The following STRN3 variants were observed in gnomAD, a reference collection of about 807,000 sequenced individuals.
The protein encoded by STRN3 is striatin-3.
A neutral mutation model predicts 95.6 loss-of-function variants in STRN3; 29 were observed. The observed-to-expected ratio is 0.30, with a 90% CI of 0.23 to 0.41. STRN3 has a LOEUF of 0.41. Ranked by LOEUF, STRN3 falls within the 10% of genes least tolerant of loss-of-function variation. The pLI, the probability that STRN3 is intolerant of heterozygous loss-of-function variation, is 1.00. For synonymous variants in STRN3, 331 were observed against 357.6 expected (o/e 0.93, Z 0.84); for missense variants, 890 against 972.1 (o/e 0.92, Z 1.12).
intron 16 of STRN3, among the ~76,000 whole-genome samples, chr14:30,897,104 A>G (rs539966482): frequency 2.6e-5 from 4 of 152,318 alleles, no homozygotes; most frequent in African/African-American, 7.2e-5. Flanking sequence ...CTAATGAAAG[A>G]TAGAGGCTTT....
intron 1 of STRN3, among the ~76,000 whole-genome samples, chr14:31,009,057 T>A (rs1882845828): frequency 6.6e-6 from 1 of 151,826 alleles, no homozygotes; most frequent in East Asian, 1.9e-4. Context: ...GAAAAAAAAT[T>A]AAGAAAAACA....
At chr14:30,956,453 G>T (rs371327479) in intron 1 of STRN3, among the ~76,000 whole-genome samples, 1 of 152,152 alleles carries the variant, frequency 6.6e-6, no homozygotes, top group Non-Finnish European at 1.5e-5. Context: ...AGGAGTTTTA[G>T]ACCAGCCTAT....
chr14:30,925,274 A>T (rs1469730517), intron 8 of STRN3, among the ~76,000 whole-genome samples: 1 of 152,052 alleles, frequency 6.6e-6, no homozygotes, highest in Non-Finnish European at 1.5e-5. Context: ...GATGGAGTGA[A>T]CGAGTTGGGA....
At chr14:30,970,787 T>A (rs1326527090) in intron 1 of STRN3, among the ~76,000 whole-genome samples, 3 of 152,360 alleles carry the variant, frequency 2.0e-5, no homozygotes, top group Admixed American at 2.0e-4. Flanking sequence ...AAGATGTAAA[T>A]GCCTGGTTGG....
intron 9 of STRN3, among the ~76,000 whole-genome samples, chr14:30,916,190 C>T (rs924117814): frequency 2.6e-5 from 4 of 151,834 alleles, no homozygotes; most frequent in African/African-American, 9.7e-5. Flanking sequence ...CTATCCTATT[C>T]ATTTTATTAA....
intron 8 of STRN3, among the ~76,000 whole-genome samples, chr14:30,925,295 CTTTAACTTAGCACT>C (rs1352487023): frequency 3.3e-5 from 5 of 151,922 alleles, no homozygotes; most frequent in Non-Finnish European, 2.9e-5. Context: ...GACACAGAAA[CTTTAACTTAGCACT>C]TTTAACTTAG....
intron 1 of STRN3, among the ~76,000 whole-genome samples, chr14:30,974,732 G>A (rs181557158): frequency 2.4e-4 from 36 of 152,218 alleles, no homozygotes; most frequent in Admixed American, 6.5e-4. Context: ...TGAGCCTGGG[G>A]GGAGTAGAGG....
intron 1 of STRN3, among the ~76,000 whole-genome samples, chr14:30,969,862 C>T (rs1880735412): frequency 6.6e-6 from 1 of 152,108 alleles, no homozygotes; most frequent in Non-Finnish European, 1.5e-5. Flanking sequence ...ATCACCTTCT[C>T]ATCAAAGAGT....
intron 4 of STRN3, among the ~76,000 whole-genome samples, chr14:30,948,574 T>C (rs114437497): frequency 0.017 from 2,592 of 152,318 alleles, 60 homozygotes; most frequent in African/African-American, 0.059. Context: ...GAATAGTTAA[T>C]GTCAAATTTT....
chr14:31,010,446 G>A (rs530606780), intron 1 of STRN3, among the ~76,000 whole-genome samples: 1 of 133,594 alleles, frequency 7.5e-6, no homozygotes, highest in African/African-American at 2.9e-5. Context: ...ATTCACTCCT[G>A]AAACTTATCA....
Position 30,895,061 on chromosome 14 carries a change from AAAAAAAAAAAAAAAAAAAG to A in STRN3, c.*331_*349del, listed in dbSNP as rs1196665927. On this transcript the variant is annotated 3_prime_UTR_variant, in exon 18 of 18. Transcript: ENST00000357479. Reference sequence around the variant, plus strand: ...AGGCAGCACACAGAGTCCAAAAAAAAAAAAAAAAAAAAAAAAAAGAAGAAGAAGAAGAGAAAAAAAAAAA... The same window carrying A: ...AGGCAGCACACAGAGTCCAAAAAAAAAAGAAGAAGAAGAGAAAAAAAAAAA... 7 of 198,276 alleles carry A rather than the reference AAAAAAAAAAAAAAAAAAAG, an allele frequency of 3.5e-5. 1 individual carries two copies. The South Asian group carries it at 8.5e-4, about 24-fold the overall frequency. 12.3% of individuals were successfully genotyped at this position (198,276 alleles called of 1,614,324 possible).
intron 16 of STRN3, among the ~76,000 whole-genome samples, chr14:30,902,056 A>G (rs1047984091): frequency 6.6e-6 from 1 of 151,646 alleles, no homozygotes; most frequent in African/African-American, 2.4e-5. Flanking sequence ...CTGTAATCCC[A>G]GCGACTCGGG....
intron 1 of STRN3, among the ~76,000 whole-genome samples, chr14:30,997,916 T>C (rs1024275537): frequency 4.6e-5 from 7 of 152,138 alleles, no homozygotes. Flanking sequence ...TTTTCAAAAC[T>C]GTAGAAATAA....
At chr14:31,024,851 C>A (rs1389559562) in intron 1 of STRN3, among the ~76,000 whole-genome samples, 1 of 152,114 alleles carries the variant, frequency 6.6e-6, no homozygotes, top group Non-Finnish European at 1.5e-5. Flanking sequence ...CCTAAATTTG[C>A]CCTGGAAAGG....
intron 1 of STRN3, among the ~76,000 whole-genome samples, chr14:30,978,522 A>T (rs1220008113): frequency 6.6e-6 from 1 of 152,194 alleles, no homozygotes; most frequent in Non-Finnish European, 1.5e-5. Flanking sequence ...TTAATTATGA[A>T]AAAGTAGATG....
chr14:31,026,187 G>GC lies in STRN3; in HGVS notation c.-3_-2insG. ...ACCGCCTCCGGCAAGCTCGTCCATTGTGTGTGGGGCCCCGGCCGGGGCGCA... is the reference window on the plus strand; with the variant it reads ...ACCGCCTCCGGCAAGCTCGTCCATTGCTGTGTGGGGCCCCGGCCGGGGCGCA... On this transcript the variant is annotated 5_prime_UTR_variant, in exon 1 of 18. Coordinates refer to ENST00000357479, the MANE Select transcript of STRN3 (RefSeq NM_001083893.2). 6.9e-7 allele frequency: 1 copy of GC among 1,456,498 alleles called. No individual in the cohort carries two copies. The highest frequency in any genetic ancestry group is 9.0e-7 in the Non-Finnish European group (1 of 1,113,616). 90.2% of individuals were successfully genotyped at this position (1,456,498 alleles called of 1,614,324 possible). A position where few individuals can be genotyped will look rare whatever the true frequency, so the allele number is the denominator to read the frequency against.
chr14:30,989,265 C>A (rs985794843), intron 1 of STRN3, among the ~76,000 whole-genome samples: 1 of 152,140 alleles, frequency 6.6e-6, no homozygotes, highest in Non-Finnish European at 1.5e-5. Flanking sequence ...ACCTTCTTCA[C>A]CGTGAACTTC....
chr14:31,023,247 T>G (rs1281714580), intron 1 of STRN3, among the ~76,000 whole-genome samples: 1 of 152,190 alleles, frequency 6.6e-6, no homozygotes, highest in African/African-American at 2.4e-5. Flanking sequence ...TCTGTGGAAT[T>G]TTGGTAATTC....
At chr14:31,020,929 G>T (rs1389814654) in intron 1 of STRN3, among the ~76,000 whole-genome samples, 1 of 151,736 alleles carries the variant, frequency 6.6e-6, no homozygotes, top group Non-Finnish European at 1.5e-5. Flanking sequence ...ATTATTTCTA[G>T]AGTATAAGCT....
Sources: allele counts gnomAD v4.1 joint callset (sites outside exome capture counted in the v4.1 genomes callset), GRCh38; gene constraint gnomAD v4.1.1; transcripts MANE v1.5; gene names NCBI Gene and HGNC (gene_info 2026-07-23, HGNC 2026-07-21).